Variants in KAZN observed in about 807,000 individuals in gnomAD.
KAZN encodes kazrin.
A neutral mutation model predicts 87.4 loss-of-function variants in KAZN; 40 were observed. The observed-to-expected ratio is 0.46, with a 90% CI of 0.36 to 0.60. KAZN has a LOEUF of 0.60. KAZN is among the 20% of genes least tolerant of loss of function. KAZN has a pLI of 0.00. For synonymous variants in KAZN, 466 were observed against 458.3 expected (o/e 1.02, Z -0.22); for missense variants, 898 against 1,073.9 (o/e 0.84, Z 2.29).
At chr1:15,043,461 C>A (rs1673126213) in intron 3 of KAZN, among the ~76,000 whole-genome samples, 1 of 152,136 alleles carries the variant, frequency 6.6e-6, no homozygotes, top group Admixed American at 6.5e-5. Flanking sequence ...CCAAAGCAGT[C>A]ATTTGCCAAC....
intron 1 of KAZN, among the ~76,000 whole-genome samples, chr1:13,919,389 T>C (rs1639978194): frequency 6.6e-6 from 1 of 152,244 alleles, no homozygotes; most frequent in African/African-American, 2.4e-5. Context: ...TAGTTGGCTC[T>C]TTTTCATTAC....
intron 1 of KAZN, among the ~76,000 whole-genome samples, chr1:14,610,252 G>A (rs576018084): frequency 6.6e-6 from 1 of 152,202 alleles, no homozygotes; most frequent in Non-Finnish European, 1.5e-5. Flanking sequence ...CTGTCACCCA[G>A]GTTGGAGTGC....
At chr1:14,458,123 C>T (rs544654620) in intron 2 of KAZN, among the ~76,000 whole-genome samples, 1 of 152,010 alleles carries the variant, frequency 6.6e-6, no homozygotes, top group South Asian at 2.1e-4. Context: ...GCCCAGTTGA[C>T]GTATAGTATA....
chr1:14,902,341 T>C lies in KAZN; in HGVS notation c.227-58343T>C, dbSNP rs1016406991. On this transcript the variant is annotated intron_variant, in intron 1 of 14. Transcript: ENST00000376030. ...CCCGGGTTCACGCCATTCTCCTGCC[T>C]CAGCTTCCTGAGTAGCTGGGACTAT... 1.4e-4 allele frequency among the ~76,000 whole-genome samples: 22 copies of C among 152,074 alleles called. 1 individual carries two copies. The East Asian group carries it at 4.3e-3, about 29-fold the overall frequency.
At chr1:14,545,467 G>A (rs915369412) in intron 2 of KAZN, among the ~76,000 whole-genome samples, 22 of 152,118 alleles carry the variant, frequency 1.4e-4, no homozygotes, top group Non-Finnish European at 2.5e-4. Context: ...TAATGTCTCT[G>A]TACCCACAAT....
chr1:14,512,686 C>T (rs1421366127), intron 2 of KAZN, among the ~76,000 whole-genome samples: 2 of 152,230 alleles, frequency 1.3e-5, no homozygotes, highest in South Asian at 2.1e-4. Flanking sequence ...CACAGCCTGC[C>T]GGCTGCTGTT....
At chr1:14,496,573 T>C (rs1203968333) in intron 2 of KAZN, among the ~76,000 whole-genome samples, 2 of 152,186 alleles carry the variant, frequency 1.3e-5, no homozygotes, top group Non-Finnish European at 2.9e-5. Context: ...TTGAAAAGGT[T>C]CGTGATCACT....
chr1:14,085,417 A>T (rs947752406), intron 1 of KAZN, among the ~76,000 whole-genome samples: 3 of 152,190 alleles, frequency 2.0e-5, no homozygotes, highest in Non-Finnish European at 4.4e-5. Flanking sequence ...GTCCCTTTAC[A>T]GCGGATCCCT....
rs528207425 is a variant in KAZN at position 14,308,659 on chromosome 1, C to T, written c.249+128067C>T. Among the ~76,000 whole-genome samples the T allele has an allele frequency of 8.0e-4, 122 of 152,304 alleles. 2 individuals carry two copies. The South Asian group carries it at 0.024, about 30-fold the overall frequency. On this transcript the variant is annotated intron_variant, in intron 2 of 16. Coordinates refer to the KAZN transcript ENST00000636203. Reference sequence around the variant, plus strand: ...GTGTGACCTTGGGCAACATACCCAACCTCTCTGTGCCTGTTTCCTTGCCTG... The same window carrying T: ...GTGTGACCTTGGGCAACATACCCAATCTCTCTGTGCCTGTTTCCTTGCCTG...
At chr1:14,414,236 C>T (rs999533838) in intron 2 of KAZN, among the ~76,000 whole-genome samples, 4 of 150,922 alleles carry the variant, frequency 2.7e-5, no homozygotes, top group Non-Finnish European at 5.9e-5. Flanking sequence ...TGTTCATGTT[C>T]TAGTTTTCAG....
rs1209550409 is a variant in KAZN, at chr1:14,617,017, A to G, written c.226+17794A>G. Reference sequence around the variant, plus strand: ...ATGAGCCACTTCCATTGTTGTTTCTATTTAGTCTCTCAAGGATCCTGCAAG... The same window carrying G: ...ATGAGCCACTTCCATTGTTGTTTCTGTTTAGTCTCTCAAGGATCCTGCAAG... On this transcript the variant is annotated intron_variant, in intron 1 of 14. Transcript: ENST00000376030. Among the ~76,000 whole-genome samples the G allele has an allele frequency of 2.0e-5, 3 of 152,086 alleles. No homozygotes were observed. In the East Asian group the frequency reaches 5.8e-4, roughly 29 times the overall value.
At chr1:14,312,564 A>G (rs1655376926) in intron 2 of KAZN, among the ~76,000 whole-genome samples, 4 of 152,202 alleles carry the variant, frequency 2.6e-5, no homozygotes, top group Non-Finnish European at 5.9e-5. Flanking sequence ...GCCTGCATTC[A>G]TTATTTTTCT....
rs563904421 is a variant in KAZN, at chr1:14,570,070, A to T, written c.250-28913A>T. 1.3e-3 allele frequency among the ~76,000 whole-genome samples: 203 copies of T among 152,218 alleles called. 1 individual carries two copies. Among genetic ancestry groups the T allele is most frequent in the Non-Finnish European group, 2.6e-3 (176 of 68,008 alleles). On this transcript the variant is annotated intron_variant, in intron 2 of 16. Transcript: ENST00000636203. Reference sequence around the variant, plus strand: ...AGAGGTTGCAGTGAGCCAAGACTGCACCACGGCACTCCAGCCTGGGTGACA... The same window carrying T: ...AGAGGTTGCAGTGAGCCAAGACTGCTCCACGGCACTCCAGCCTGGGTGACA...
intron 1 of KAZN, among the ~76,000 whole-genome samples, chr1:14,129,546 T>C (rs1644947523): frequency 6.6e-6 from 1 of 152,240 alleles, no homozygotes; most frequent in Non-Finnish European, 1.5e-5. Context: ...GGGCTCCTGG[T>C]TGGCTGCCCA....
chr1:14,596,386 TC>T (rs202150521), upstream of KAZN, among the ~76,000 whole-genome samples: 859 of 152,312 alleles, frequency 5.6e-3, 5 homozygotes, highest in African/African-American at 0.019. Flanking sequence ...AAGCCCTAGT[TC>T]CAAAACATTC....
intron 1 of KAZN, among the ~76,000 whole-genome samples, chr1:14,143,825 C>G (rs548933007): frequency 3.4e-4 from 52 of 152,080 alleles, no homozygotes; most frequent in African/African-American, 1.2e-3. Flanking sequence ...TCAAGCAGCT[C>G]TCCCACCTCA....
At chr1:14,037,432 A>G (rs929564427) in intron 1 of KAZN, among the ~76,000 whole-genome samples, 4 of 152,190 alleles carry the variant, frequency 2.6e-5, no homozygotes, top group African/African-American at 9.6e-5. Flanking sequence ...AAATCTCTGC[A>G]CTGACTCTTG....
intron 2 of KAZN, among the ~76,000 whole-genome samples, chr1:14,409,969 GATTA>G (rs756343857): frequency 2.6e-5 from 4 of 152,070 alleles, no homozygotes; most frequent in Admixed American, 2.0e-4. Flanking sequence ...TTGAACAGCA[GATTA>G]ATCAGATATG....
chr1:14,598,702 C>G lies in KAZN; in HGVS notation c.-296C>G. ...GCGGTGTCCTTCTTGGAGCAGCTCT[C>G]GGCGCCCGCCCGCCGGGGTCTCGGC... On this transcript the variant is annotated 5_prime_UTR_variant, in exon 1 of 15. Transcript: ENST00000376030. The surrounding 1 kb of genome is among the most constrained non-coding windows in gnomAD (Gnocchi z 4.2). The G allele has an allele frequency of 7.6e-7, 1 of 1,314,758 alleles. No individual in the cohort carries two copies. Among genetic ancestry groups the G allele is most frequent in the East Asian group, 3.3e-5 (1 of 30,728 alleles). 81.4% of individuals were successfully genotyped at this position (1,314,758 alleles called of 1,614,324 possible).
Sources: gnomAD v4.1 joint callset for allele counts (sites outside exome capture counted in the v4.1 genomes callset) on GRCh38, gnomAD v4.1.1 for gene constraint, Gnocchi (gnomAD v3.1) non-coding constraint, MANE v1.5 for transcripts, NCBI Gene and HGNC (gene_info 2026-07-23, HGNC 2026-07-21) for gene names.